The following RUVBL1 variants were observed in gnomAD, a reference collection of about 807,000 sequenced individuals.
The protein encoded by RUVBL1 is RuvB like AAA ATPase 1.
Under a neutral mutation model 52.4 loss-of-function variants are expected in RUVBL1, and 4 were observed. The ratio of observed to expected loss-of-function variants is 0.08; its 90% CI spans 0.04 to 0.17. The LOEUF (loss-of-function observed/expected upper bound fraction) is 0.17, where lower values mean the gene tolerates loss of function less well. Ranked by LOEUF, RUVBL1 falls within the 10% of genes least tolerant of loss-of-function variation. The pLI is 1.00. For missense variants in RUVBL1, 298 were observed against 572.8 expected, an observed-to-expected ratio of 0.52 and a Z score of 4.90; for synonymous variants, 217 against 214.4, an observed-to-expected ratio of 1.01 and a Z score of -0.10.
At chr3:128,131,145 G>A (rs926917321) in intron 1 of RUVBL1, among the ~76,000 whole-genome samples, 2 of 152,092 alleles carry the variant, frequency 1.3e-5, no homozygotes, top group African/African-American at 4.8e-5. Flanking sequence ...AAAAACTAAA[G>A]AGAACACTTT....
At position 128,116,969 on chromosome 3, in the gene RUVBL1, T is replaced by C. The variant is rs576824792; in HGVS notation, c.228+2359A>G. Among the ~76,000 whole-genome samples the C allele has an allele frequency of 6.6e-5, 10 of 152,352 alleles. No individual in the cohort carries two copies. In the South Asian group the frequency reaches 1.5e-3, roughly 22 times the overall value. ...GGGTCTGATGATGGCACCGTGGTCATGTAGGAAGACATCCTTACAACTTAC... is the reference window on the plus strand; with the variant it reads ...GGGTCTGATGATGGCACCGTGGTCACGTAGGAAGACATCCTTACAACTTAC... On this transcript the variant is annotated intron_variant, in intron 2 of 10. Coordinates refer to ENST00000322623, the MANE Select transcript of RUVBL1 (RefSeq NM_003707.3).
chr3:128,121,330 A>G (rs1394189814), intron 1 of RUVBL1, among the ~76,000 whole-genome samples: 1 of 151,544 alleles, frequency 6.6e-6, no homozygotes, highest in East Asian at 2.0e-4. Flanking sequence ...TCCTGACCTC[A>G]GGTGATCCAC....
Position 128,081,424 on chromosome 3 carries a change from G to A in RUVBL1, c.1212-15C>T. On this transcript the variant is annotated splice_polypyrimidine_tract_variant and intron_variant, in intron 10 of 10. Transcript: ENST00000322623. This position sits in a 1 kb window ranked among gnomAD's most constrained non-coding sequence, Gnocchi z 4.8. Reference sequence around the variant, plus strand: ...GCACTGAGTACCTAGAGTGGACAGGGGCCAGGGCTGGAGTGAAACTGGGGC... The same window carrying A: ...GCACTGAGTACCTAGAGTGGACAGGAGCCAGGGCTGGAGTGAAACTGGGGC... 6.2e-7 allele frequency: 1 copy of A among 1,605,612 alleles called. No individual in the cohort carries two copies. The highest frequency in any genetic ancestry group is 8.5e-7 in the Non-Finnish European group (1 of 1,173,336).
At position 128,123,749 on chromosome 3, in the gene RUVBL1, C is replaced by T; in HGVS notation, c.-25G>A. 1 of 1,585,958 alleles carries T rather than the reference C, an allele frequency of 6.3e-7. No homozygotes were observed. Among genetic ancestry groups the T allele is most frequent in the Non-Finnish European group, 8.6e-7 (1 of 1,161,146 alleles). Reference sequence around the variant, plus strand: ...TTTTGCAGACGCCGGGAGCTAAAACCAGCGTGGAAAACCAGCAGCTAGGAC... The same window carrying T: ...TTTTGCAGACGCCGGGAGCTAAAACTAGCGTGGAAAACCAGCAGCTAGGAC... On this transcript the variant is annotated 5_prime_UTR_variant, in exon 1 of 11. Coordinates refer to ENST00000322623, the MANE Select transcript of RUVBL1 (RefSeq NM_003707.3).
chr3:128,123,545 C>T, intron 1 of RUVBL1, 39 bp downstream of exon 1: 2 of 1,531,008 alleles, frequency 1.3e-6, no homozygotes, highest in Non-Finnish European at 1.8e-6. Context: ...CGCAGCAGCC[C>T]TGCTTGCAGC....
chr3:128,105,865 C>CTTTTTTTTTTTTTTTTTTTTTTTTTT, intron 3 of RUVBL1, among the ~76,000 whole-genome samples: 1 of 88,912 alleles, frequency 1.1e-5, no homozygotes. Context: ...TTCCCTTTTT[C>CTTTTTTTTTTTTTTTTTTTTTTTTTT]TTTTTTTTTT....
chr3:128,101,847 A>G (rs1332608280), intron 4 of RUVBL1, among the ~76,000 whole-genome samples, 199 bp from the exon 5 acceptor site: 2 of 152,328 alleles, frequency 1.3e-5, no homozygotes, highest in East Asian at 3.9e-4. Flanking sequence ...GGGACTAAGC[A>G]CACCAGGGAG....
upstream of RUVBL1, among the ~76,000 whole-genome samples, chr3:128,126,344 G>A (rs908023900): frequency 3.3e-5 from 5 of 152,180 alleles, no homozygotes; most frequent in East Asian, 1.9e-4. Flanking sequence ...TCAGGAGTTC[G>A]AAACCAGCCC....
intron 2 of RUVBL1, among the ~76,000 whole-genome samples, chr3:128,118,457 G>A (rs892530321): frequency 1.2e-4 from 19 of 152,144 alleles, no homozygotes; most frequent in African/African-American, 4.6e-4. Flanking sequence ...ACCTGCCTCA[G>A]GTCTCATAGC....
downstream of RUVBL1, among the ~76,000 whole-genome samples, chr3:128,079,509 A>G (rs1163746496): frequency 6.6e-6 from 1 of 152,200 alleles, no homozygotes; most frequent in Non-Finnish European, 1.5e-5. Flanking sequence ...CCCTGGTGCA[A>G]TAAGCTCTTG....
In RUVBL1 at chr3:128,067,335, T is replaced by C. The variant is rs1942011752; in HGVS notation, c.940-2115A>G. The C allele has an allele frequency of 7.0e-7, 1 of 1,432,462 alleles. No homozygotes were observed. Among genetic ancestry groups the C allele is most frequent in the Non-Finnish European group, 9.5e-7 (1 of 1,049,722 alleles). The allele number at this position is 1,432,462 out of a possible 1,614,324, so 88.7% of individuals were successfully genotyped here. A position where few individuals can be genotyped will look rare whatever the true frequency, so the allele number is the denominator to read the frequency against. On this transcript the variant is annotated intron_variant, in intron 9 of 9. Transcript: ENST00000464873. The surrounding 1 kb of genome is among the most constrained non-coding windows in gnomAD (Gnocchi z 4.1). ...CTGTGGGCACCGAGTAAAATTGCAT[T>C]CTTTCATCTGCTCAGAACTATTTTT... is the stretch of plus-strand genomic sequence containing the variant.
chr3:128,104,322 C>G, intron 4 of RUVBL1, among the ~76,000 whole-genome samples: 1 of 152,240 alleles, frequency 6.6e-6, no homozygotes, highest in Non-Finnish European at 1.5e-5. Context: ...AGTCAGGATT[C>G]TGCATGTGGC....
intron 1 of RUVBL1, among the ~76,000 whole-genome samples, chr3:128,145,164 A>AGGAATTG (rs1944084577): frequency 1.3e-5 from 2 of 152,212 alleles, no homozygotes; most frequent in African/African-American, 2.4e-5. Context: ...CTGATATAGC[A>AGGAATTG]CTTATTAATA....
chr3:128,087,507 A>G (rs1005101531), intron 9 of RUVBL1, among the ~76,000 whole-genome samples, 199 bp downstream of exon 9: 1 of 152,238 alleles, frequency 6.6e-6, no homozygotes, highest in Non-Finnish European at 1.5e-5. Context: ...CACTTGGGGC[A>G]ATGTCTAGTT....
At chr3:128,143,093 CTCTTA>C (rs1559837894) in intron 1 of RUVBL1, among the ~76,000 whole-genome samples, 1 of 151,078 alleles carries the variant, frequency 6.6e-6, no homozygotes, top group Non-Finnish European at 1.5e-5. Context: ...TCCTGCCACT[CTCTTA>C]TAAGGTCCCT....
At chr3:128,109,154 C>A (rs544647179) in intron 3 of RUVBL1, among the ~76,000 whole-genome samples, 1 of 152,180 alleles carries the variant, frequency 6.6e-6, no homozygotes, top group East Asian at 1.9e-4. Flanking sequence ...GAGGTGCTGG[C>A]CGTGCTCTGT....
downstream of RUVBL1, among the ~76,000 whole-genome samples, chr3:128,078,120 TG>T: frequency 6.6e-6 from 1 of 152,314 alleles, no homozygotes; most frequent in African/African-American, 2.4e-5. Context: ...AGGGCCTTCT[TG>T]GGGTACCCCA....
At chr3:128,096,748 A>G (rs1367596928) in intron 8 of RUVBL1, among the ~76,000 whole-genome samples, 1 of 150,974 alleles carries the variant, frequency 6.6e-6, no homozygotes, top group East Asian at 1.9e-4. Flanking sequence ...AATGGTGTGA[A>G]CCCGGGAGGT....
chr3:128,070,769 G>A (rs1445036799), intron 9 of RUVBL1: 1 of 151,810 alleles, frequency 6.6e-6, no homozygotes, highest in Non-Finnish European at 1.5e-5. Flanking sequence ...TTGCTCCAGT[G>A]TTTGAAATAA....
Sources: gnomAD v4.1 joint callset for allele counts (sites outside exome capture counted in the v4.1 genomes callset) on GRCh38, gnomAD v4.1.1 for gene constraint, Gnocchi (gnomAD v3.1) non-coding constraint, MANE v1.5 for transcripts, NCBI Gene and HGNC (gene_info 2026-07-23, HGNC 2026-07-21) for gene names.